Variants in NAAA observed in about 807,000 individuals in gnomAD.
NAAA encodes the protein N-acylethanolamine-hydrolyzing acid amidase.
NAAA carries 39 observed loss-of-function variants against 44.8 expected under a neutral mutation model. The ratio of observed to expected loss-of-function variants is 0.87; its 90% CI spans 0.67 to 1.14. NAAA has a LOEUF of 1.14. Ranked by LOEUF, NAAA falls within the 50% of genes most tolerant of loss-of-function variation. NAAA has a pLI of 0.00. For missense variants in NAAA, 460 were observed against 467.8 expected, an observed-to-expected ratio of 0.98 and a Z score of 0.15; for synonymous variants, 178 against 191.3, an observed-to-expected ratio of 0.93 and a Z score of 0.58.
At chr4:75,939,650 C>A in intron 2 of NAAA, 1 of 222,368 alleles carries the variant, frequency 4.5e-6, no homozygotes, top group East Asian at 9.8e-5. Flanking sequence ...CTCCTAACCT[C>A]GTGATCTGCC....
At chr4:75,926,836 C>T (rs568067779) in intron 4 of NAAA, among the ~76,000 whole-genome samples, 30 of 152,060 alleles carry the variant, frequency 2.0e-4, no homozygotes, top group African/African-American at 6.5e-4. Flanking sequence ...GAAACCCCAT[C>T]TCTACAAAAA....
At position 75,913,693 on chromosome 4, in the gene NAAA, A is replaced by T; in HGVS notation, c.*682T>A. ...AAATTTTTTTATTCTCCTTGCCAAC[A>T]TTTCTTTTGACATTTTATTACTTAA... On this transcript the variant is annotated 3_prime_UTR_variant, in exon 11 of 11. Coordinates refer to ENST00000286733, the MANE Select transcript of NAAA (RefSeq NM_014435.4). 1.0e-6 allele frequency: 1 copy of T among 983,226 alleles called. No individual in the cohort carries two copies. Among genetic ancestry groups the T allele is most frequent in the South Asian group, 4.7e-5 (1 of 21,264 alleles). 60.9% of individuals were successfully genotyped at this position (983,226 alleles called of 1,614,324 possible).
downstream of NAAA, among the ~76,000 whole-genome samples, chr4:75,912,293 G>T (rs140461030): frequency 6.6e-6 from 1 of 151,870 alleles, no homozygotes; most frequent in South Asian, 2.1e-4. Flanking sequence ...GGTGGCTCAC[G>T]CCTGTAATCC....
At chr4:75,930,004 G>A (rs1246312130) in intron 4 of NAAA, among the ~76,000 whole-genome samples, 4 of 151,986 alleles carry the variant, frequency 2.6e-5, no homozygotes, top group African/African-American at 4.8e-5. Flanking sequence ...CATGAGAATC[G>A]GCTGAGCCCG....
At chr4:75,917,786 A>G (rs1214627477) in intron 9 of NAAA, 3 of 433,864 alleles carry the variant, frequency 6.9e-6, no homozygotes, top group East Asian at 7.1e-5. Context: ...TAAAAAAAAA[A>G]AAAAAAGAAA....
downstream of NAAA, chr4:75,913,600 C>G (rs926173438): frequency 8.6e-5 from 71 of 828,394 alleles, no homozygotes; most frequent in Non-Finnish European, 9.9e-5. Flanking sequence ...TTTCTCAGGA[C>G]AGCAGTTCAG....
chr4:75,918,878 C>T (rs1354282031), intron 8 of NAAA, 89 bp from the exon 9 acceptor site: 87 of 1,287,808 alleles, frequency 6.8e-5, no homozygotes, highest in East Asian at 2.3e-5. Flanking sequence ...TGCAGTGGCT[C>T]AGGCCTGTAA....
In NAAA at chr4:75,931,269, T is replaced by C. The variant is rs1407345972; in HGVS notation, c.534A>G (p.Val178=). 1 of 1,612,188 alleles carries C rather than the reference T, an allele frequency of 6.2e-7. No homozygotes were observed. Among genetic ancestry groups the C allele is most frequent in the East Asian group, 2.2e-5 (1 of 44,858 alleles). ...AFTGTTFIGY[V]GLWTGQSPHK... is the part of the protein sequence containing the mutation. ...GTGGGCTCTGGCCAGTCCATAATCC[T>C]ACATAGCCAATAAAAGTAGTTCCTG... Residue 178 remains valine, a synonymous_variant, in exon 4 of 11, where the codon GTA becomes GTG. Transcript: ENST00000286733.
At position 75,936,356 on chromosome 4, in the gene NAAA, T is replaced by C. The variant is rs994253978; in HGVS notation, c.372-121A>G. On this transcript the variant is annotated intron_variant, in intron 2 of 10. Transcript: ENST00000286733. ...AAGTTTTTCTTCCTTATAACTGATATATGTGCTATAATGCTTGTATAAGAA... is the reference window on the plus strand; with the variant it reads ...AAGTTTTTCTTCCTTATAACTGATACATGTGCTATAATGCTTGTATAAGAA... The C allele has an allele frequency of 3.7e-6, 4 of 1,070,394 alleles. No individual in the cohort carries two copies. In the African/African-American group the frequency reaches 4.7e-5, roughly 13 times the overall value. 66.3% of individuals were successfully genotyped at this position (1,070,394 alleles called of 1,614,324 possible).
At chr4:75,916,811 G>A (rs1468394114) in intron 9 of NAAA, among the ~76,000 whole-genome samples, 3 of 112,402 alleles carry the variant, frequency 2.7e-5, no homozygotes, top group South Asian at 2.9e-4. Context: ...TTTTTAAGAC[G>A]GAGTCTCCCT....
chr4:75,936,066 G>A lies in NAAA; in HGVS notation c.498+43C>T, dbSNP rs541116937. 59 of 1,611,306 alleles carry A rather than the reference G, an allele frequency of 3.7e-5. No homozygotes were observed. In the African/African-American group the frequency reaches 7.5e-4, roughly 20 times the overall value. ...TCCAAATGACTGCTAACTTGAGTTTGCAAATCTTTCTGATTTTTTATCTTA... is the reference window on the plus strand; with the variant it reads ...TCCAAATGACTGCTAACTTGAGTTTACAAATCTTTCTGATTTTTTATCTTA... On this transcript the variant is annotated intron_variant, in intron 3 of 10. Transcript: ENST00000286733.
chr4:75,913,841 CGA>C lies in NAAA; in HGVS notation c.*532_*533del. On this transcript the variant is annotated 3_prime_UTR_variant, in exon 11 of 11. Transcript: ENST00000286733. ...AAAACGTTAGAAACATTATAAAAAA[CGA>C]GACTCCCATTACATGGAAACACATG... The C allele has an allele frequency of 1.0e-6, 1 of 985,230 alleles. No individual in the cohort carries two copies. Among genetic ancestry groups the C allele is most frequent in the Non-Finnish European group, 1.2e-6 (1 of 829,784 alleles). 61.0% of individuals were successfully genotyped at this position (985,230 alleles called of 1,614,324 possible).
chr4:75,914,891 C>T lies in NAAA; in HGVS notation c.*13G>A. The stretch of plus-strand genomic sequence containing the variant: ...ACCTTTCACAGCACGGGCGAACTCG[C>T]TCTTCTGCTGACTTACTTTCTACTC... On this transcript the variant is annotated 3_prime_UTR_variant, in exon 10 of 11. Transcript: ENST00000286733. 1 of 1,614,002 alleles carries T rather than the reference C, an allele frequency of 6.2e-7. No homozygotes were observed. The highest frequency in any genetic ancestry group is 1.1e-5 in the South Asian group (1 of 91,076).
intron 1 of NAAA, 105 bp from the exon 2 acceptor site, chr4:75,940,270 G>A (rs2149295769): frequency 1.6e-6 from 2 of 1,265,238 alleles, no homozygotes; most frequent in Middle Eastern, 2.2e-4. Context: ...TGAGGTCTCA[G>A]GGCCACTGCT....
At chr4:75,916,196 G>C (rs1725610480) in intron 9 of NAAA, among the ~76,000 whole-genome samples, 1 of 152,206 alleles carries the variant, frequency 6.6e-6, no homozygotes, top group Admixed American at 6.5e-5. Flanking sequence ...GCAGCATAGA[G>C]CTAACTGCCT....
chr4:75,931,825 T>C (rs1461587195), intron 3 of NAAA, among the ~76,000 whole-genome samples: 1 of 152,364 alleles, frequency 6.6e-6, no homozygotes, highest in East Asian at 1.9e-4. Context: ...ATTTTTTTTG[T>C]AATCCTACGT....
At chr4:75,911,424 G>A (rs1223644072), downstream of NAAA, 2 of 470,706 alleles carry the variant, frequency 4.2e-6, no homozygotes, top group Admixed American at 4.7e-5. Context: ...AACAGTCCTA[G>A]CAGGAGCATG....
intron 3 of NAAA, among the ~76,000 whole-genome samples, chr4:75,931,573 T>G (rs1054457116): frequency 1.3e-5 from 2 of 152,142 alleles, no homozygotes; most frequent in Admixed American, 6.6e-5. Context: ...TAACTGAAAT[T>G]TAACTCCTTC....
At chr4:75,919,580 G>A (rs112342942) in intron 8 of NAAA, 15,289 of 379,022 alleles carry the variant, frequency 0.04, 812 homozygotes, top group African/African-American at 0.16. Context: ...CCGGGTACAC[G>A]CCATTCTCCT....
Sources: allele counts gnomAD v4.1 joint callset (sites outside exome capture counted in the v4.1 genomes callset), GRCh38; gene constraint gnomAD v4.1.1; transcripts MANE v1.5; gene names NCBI Gene and HGNC (gene_info 2026-07-23, HGNC 2026-07-21).